Variants in ALK observed in about 807,000 individuals in gnomAD.
ALK encodes the protein ALK receptor tyrosine kinase, also known as ALK tyrosine kinase receptor.
Under a neutral mutation model 163.1 loss-of-function variants are expected in ALK, and 74 were observed. The observed-to-expected ratio is 0.45, with a 90% CI of 0.38 to 0.55. The LOEUF (loss-of-function observed/expected upper bound fraction) is 0.55. Among genes scored for constraint, ALK ranks in the 20% least tolerant of loss-of-function variants. ALK has a pLI of 0.00. For synonymous variants in ALK, 960 were observed against 843.2 expected, an observed-to-expected ratio of 1.14 and a Z score of -2.40; for missense variants, 2,063 against 2,105.3, an observed-to-expected ratio of 0.98 and a Z score of 0.39.
intron 16 of ALK, among the ~76,000 whole-genome samples, chr2:29,228,461 G>A (rs772218010): frequency 9.2e-5 from 14 of 152,148 alleles, no homozygotes; most frequent in Non-Finnish European, 1.8e-4. Context: ...CAGGCACAGC[G>A]GCGCCTTTCA....
intron 4 of ALK, among the ~76,000 whole-genome samples, chr2:29,522,043 G>A (rs1001656809): frequency 2.6e-5 from 4 of 152,172 alleles, no homozygotes; most frequent in African/African-American, 9.7e-5. Context: ...GAAAAATGCA[G>A]CTGGGATTTA....
At chr2:29,888,183 C>T (rs1196094865) in intron 1 of ALK, among the ~76,000 whole-genome samples, 1 of 151,100 alleles carries the variant, frequency 6.6e-6, no homozygotes, top group Non-Finnish European at 1.5e-5. Context: ...ATCCAATTAC[C>T]ATGGCTGTTC....
intron 28 of ALK, 55 bp from the exon 29 acceptor site, chr2:29,193,977 T>C (rs1668960270): frequency 6.6e-7 from 1 of 1,525,038 alleles, no homozygotes; most frequent in East Asian, 2.3e-5. Context: ...ATGTTGGATC[T>C]AGAAGATACC....
chr2:29,571,917 A>G (rs7576268), intron 3 of ALK, among the ~76,000 whole-genome samples: 144,070 of 152,016 alleles, frequency 0.95, 68,709 homozygotes, highest in Non-Finnish European at 1. Context: ...CCCCACTGGC[A>G]AGTACCTTTA....
At chr2:29,716,748 C>A (rs895117474) in intron 2 of ALK, among the ~76,000 whole-genome samples, 1 of 151,986 alleles carries the variant, frequency 6.6e-6, no homozygotes, top group Non-Finnish European at 1.5e-5. Context: ...TCAAATGAAC[C>A]AAAATAATAT....
chr2:29,732,550 A>G (rs531531793), intron 1 of ALK, among the ~76,000 whole-genome samples: 1 of 152,338 alleles, frequency 6.6e-6, no homozygotes, highest in South Asian at 2.1e-4. Flanking sequence ...AGATGTGTTT[A>G]TGGGTTGTTG....
intron 3 of ALK, among the ~76,000 whole-genome samples, chr2:29,671,445 T>G (rs1573543026): frequency 6.6e-6 from 1 of 152,176 alleles, no homozygotes; most frequent in East Asian, 1.9e-4. Context: ...CAGTCCTACC[T>G]TTGCCTATGC....
intron 1 of ALK, among the ~76,000 whole-genome samples, chr2:29,885,229 A>C (rs1474690683): frequency 6.6e-6 from 1 of 152,188 alleles, no homozygotes; most frequent in Admixed American, 6.5e-5. Context: ...TTCAACAATG[A>C]AGGCACTGAA....
chr2:29,875,174 C>T (rs1400746528), intron 1 of ALK, among the ~76,000 whole-genome samples: 1 of 152,124 alleles, frequency 6.6e-6, no homozygotes, highest in Non-Finnish European at 1.5e-5. Flanking sequence ...AATGGAATAT[C>T]ATTCAAGCCT....
chr2:29,762,034 C>T (rs1680720564), intron 1 of ALK, among the ~76,000 whole-genome samples: 1 of 152,166 alleles, frequency 6.6e-6, no homozygotes, highest in Non-Finnish European at 1.5e-5. Flanking sequence ...TCGCAATCTG[C>T]ACAATGTAAA....
At chr2:29,903,852 C>A (rs1190760085) in intron 1 of ALK, among the ~76,000 whole-genome samples, 1 of 152,064 alleles carries the variant, frequency 6.6e-6, no homozygotes, top group Non-Finnish European at 1.5e-5. Context: ...ACGGACCCTG[C>A]AACTGTTTAT....
chr2:29,780,993 C>T (rs1025433903), intron 1 of ALK, among the ~76,000 whole-genome samples: 5 of 152,216 alleles, frequency 3.3e-5, no homozygotes, highest in African/African-American at 1.2e-4. Flanking sequence ...AAGAACTACC[C>T]TGGGCTTCAC....
At chr2:29,916,950 A>T (rs570954147) in intron 1 of ALK, among the ~76,000 whole-genome samples, 1 of 152,290 alleles carries the variant, frequency 6.6e-6, no homozygotes, top group East Asian at 1.9e-4. Flanking sequence ...TGAATTTGGG[A>T]TCTGCCTCAG....
chr2:29,900,682 C>G (rs1311856900), intron 1 of ALK, among the ~76,000 whole-genome samples: 1 of 152,154 alleles, frequency 6.6e-6, no homozygotes, highest in African/African-American at 2.4e-5. Flanking sequence ...GACTGGGCTT[C>G]ACAGAAAGGC....
chr2:29,783,712 G>A (rs150888585), intron 1 of ALK, among the ~76,000 whole-genome samples: 8 of 152,262 alleles, frequency 5.3e-5, no homozygotes, highest in East Asian at 1.9e-4. Context: ...AAGTGCTCCC[G>A]AGGAGTTCGA....
At chr2:29,770,972 C>G (rs570136583) in intron 1 of ALK, among the ~76,000 whole-genome samples, 9 of 151,472 alleles carry the variant, frequency 5.9e-5, no homozygotes, top group African/African-American at 2.2e-4. Flanking sequence ...CACAAATACA[C>G]AGACATACAC....
At chr2:29,435,375 A>G (rs961284814) in intron 4 of ALK, among the ~76,000 whole-genome samples, 2 of 152,098 alleles carry the variant, frequency 1.3e-5, no homozygotes, top group African/African-American at 4.8e-5. Context: ...CTCAAGAGTA[A>G]TGCCTATATG....
intron 4 of ALK, among the ~76,000 whole-genome samples, chr2:29,404,223 G>A (rs1215628305): frequency 6.7e-6 from 1 of 149,830 alleles, no homozygotes; most frequent in Middle Eastern, 3.2e-3. Context: ...AGAATCACTT[G>A]AACCCAGGAG....
chr2:29,863,063 C>A (rs75413210), intron 1 of ALK, among the ~76,000 whole-genome samples: 1 of 152,050 alleles, frequency 6.6e-6, no homozygotes, highest in Non-Finnish European at 1.5e-5. Context: ...GGTATCCATA[C>A]GCAGAAGAAT....
Sources: allele counts gnomAD v4.1 joint callset (sites outside exome capture counted in the v4.1 genomes callset), GRCh38; gene constraint gnomAD v4.1.1; transcripts MANE v1.5; gene names NCBI Gene and HGNC (gene_info 2026-07-23, HGNC 2026-07-21).